SCAPER: variants seen among roughly 807,000 people sequenced by gnomAD.
The protein encoded by SCAPER is S-phase cyclin A associated protein in the ER, also known as S phase cyclin A-associated protein in the endoplasmic reticulum.
SCAPER carries 98 observed loss-of-function variants against 182.2 expected under a neutral mutation model. That is an observed-to-expected ratio of 0.54 (90% CI 0.46 to 0.64). SCAPER has a LOEUF of 0.64. Among genes scored for constraint, SCAPER ranks in the 30% least tolerant of loss-of-function variants. The pLI, the probability that SCAPER is intolerant of heterozygous loss-of-function variation, is 0.00. For missense variants in SCAPER, 1,432 were observed against 1,690.0 expected (o/e 0.85, Z 2.68); for synonymous variants, 605 against 564.6 (o/e 1.07, Z -1.01).
At chr15:76,472,082 C>G (rs768157908) in intron 24 of SCAPER, 171 of 339,674 alleles carry the variant, frequency 5.0e-4, no homozygotes, top group Non-Finnish European at 7.7e-4. Flanking sequence ...TAGCATATGT[C>G]CTGCCGCATC....
At chr15:76,441,472 C>A (rs963855467) in intron 25 of SCAPER, among the ~76,000 whole-genome samples, 11 of 152,152 alleles carry the variant, frequency 7.2e-5, no homozygotes, top group African/African-American at 2.7e-4. Flanking sequence ...TCCCTGGTAT[C>A]TCATTTCCTG....
intron 24 of SCAPER, 33 bp from the exon 25 acceptor site, chr15:76,471,368 C>T: frequency 6.3e-7 from 1 of 1,578,668 alleles, no homozygotes; most frequent in Non-Finnish European, 8.6e-7. Flanking sequence ...ATTTATAAAA[C>T]CCGAGCAGCT....
chr15:76,806,663 T>C (rs1229142562), intron 5 of SCAPER, among the ~76,000 whole-genome samples: 2 of 152,240 alleles, frequency 1.3e-5, no homozygotes, highest in African/African-American at 2.4e-5. Flanking sequence ...CACTATGAAG[T>C]CTTCTGTTCA....
At chr15:76,382,430 A>G (rs2043012774) in intron 27 of SCAPER, among the ~76,000 whole-genome samples, 1 of 151,180 alleles carries the variant, frequency 6.6e-6, no homozygotes, top group African/African-American at 2.4e-5. Flanking sequence ...GAACCACTCA[A>G]TGTGAGGCTT....
intron 24 of SCAPER, among the ~76,000 whole-genome samples, chr15:76,497,940 G>A (rs953081842): frequency 4.9e-5 from 6 of 123,516 alleles, no homozygotes; most frequent in Non-Finnish European, 8.0e-5. Context: ...GCAGTGAGCC[G>A]AGATTGTGCC....
intron 1 of SCAPER, among the ~76,000 whole-genome samples, chr15:76,904,012 TTTGA>T (rs755152522): frequency 3.9e-5 from 6 of 152,328 alleles, no homozygotes; most frequent in South Asian, 2.1e-4. Flanking sequence ...AACTTGACTC[TTTGA>T]TTGATTAAAA....
At chr15:76,568,142 CT>C (rs2047173932) in intron 23 of SCAPER, among the ~76,000 whole-genome samples, 1 of 149,210 alleles carries the variant, frequency 6.7e-6, no homozygotes, top group Non-Finnish European at 1.5e-5. Context: ...GTGGTGCTTC[CT>C]TTTTCCATAT....
intron 23 of SCAPER, among the ~76,000 whole-genome samples, chr15:76,559,351 C>T (rs2896954): frequency 2.6e-5 from 4 of 151,492 alleles, no homozygotes; most frequent in East Asian, 3.9e-4. Context: ...CCACTGCACC[C>T]GGCCGAGATC....
intron 5 of SCAPER, among the ~76,000 whole-genome samples, chr15:76,829,953 A>G (rs533601927): frequency 1.3e-5 from 2 of 152,340 alleles, no homozygotes; most frequent in South Asian, 2.1e-4. Context: ...ACCGTGATAT[A>G]TATTTCCAAA....
intron 10 of SCAPER, 40 bp from the exon 11 acceptor site, chr15:76,767,128 C>A: frequency 6.7e-7 from 1 of 1,484,126 alleles, no homozygotes; most frequent in South Asian, 1.3e-5. Flanking sequence ...GAAAAATGAT[C>A]ACTTGACTGG....
At chr15:76,479,890 T>C (rs1211089121) in intron 24 of SCAPER, among the ~76,000 whole-genome samples, 1 of 152,192 alleles carries the variant, frequency 6.6e-6, no homozygotes, top group Admixed American at 6.5e-5. Context: ...GGAGGGAGAA[T>C]GGCTTTAAGT....
At chr15:76,627,284 T>C (rs2052674353) in intron 21 of SCAPER, among the ~76,000 whole-genome samples, 1 of 152,206 alleles carries the variant, frequency 6.6e-6, no homozygotes, top group Non-Finnish European at 1.5e-5. Flanking sequence ...TTTTTTATCT[T>C]TATAAAAAAT....
At chr15:76,732,876 CCT>C (rs547559572) in intron 16 of SCAPER, among the ~76,000 whole-genome samples, 15 of 151,038 alleles carry the variant, frequency 9.9e-5, no homozygotes, top group African/African-American at 3.1e-4. Context: ...CTCTCTCTCT[CCT>C]CTCTCTCTCT....
rs188574923 is a variant in SCAPER, at chr15:76,419,960, A to T, written c.3311+14118T>A. 2.6e-5 allele frequency among the ~76,000 whole-genome samples: 4 copies of T among 152,340 alleles called. No homozygotes were observed. The East Asian group carries it at 7.7e-4, about 29-fold the overall frequency. On this transcript the variant is annotated intron_variant, in intron 26 of 31. Transcript: ENST00000563290. ...CACTGTAATTAGTGGGGCTCATCCC[A>T]GGGATGAAAGGATGGTTCAACATAT...
chr15:76,617,738 T>C (rs1477947056), intron 22 of SCAPER, among the ~76,000 whole-genome samples: 4 of 152,086 alleles, frequency 2.6e-5, no homozygotes, highest in African/African-American at 7.2e-5. Flanking sequence ...AAGTCACATA[T>C]CACTTCTACA....
intron 23 of SCAPER, among the ~76,000 whole-genome samples, chr15:76,561,239 C>A (rs1365540029): frequency 6.6e-6 from 1 of 152,162 alleles, no homozygotes; most frequent in East Asian, 1.9e-4. Flanking sequence ...CTCAATGTCA[C>A]ATGTTGGGCC....
rs555940387 is a variant in SCAPER at position 76,837,071 on chromosome 15, C to G, written c.393+4663G>C. ...ATAATTAAACTAAACATCTTCTGTA[C>G]AGCAAAAGAAACAATTAACAAAGTA... On this transcript the variant is annotated intron_variant, in intron 5 of 31. Transcript: ENST00000563290. 2.6e-5 allele frequency among the ~76,000 whole-genome samples: 4 copies of G among 152,226 alleles called. No homozygotes were observed. The South Asian group carries it at 8.3e-4, about 32-fold the overall frequency.
chr15:76,719,754 G>A (rs1483953898), intron 17 of SCAPER, among the ~76,000 whole-genome samples: 1 of 151,766 alleles, frequency 6.6e-6, no homozygotes, highest in Non-Finnish European at 1.5e-5. Context: ...TTATAAATAA[G>A]ATGCCCACTA....
At chr15:76,779,604 C>G (rs1338907094) in intron 8 of SCAPER, among the ~76,000 whole-genome samples, 2 of 151,870 alleles carry the variant, frequency 1.3e-5, no homozygotes, top group Non-Finnish European at 2.9e-5. Flanking sequence ...GCAAATTCAA[C>G]TAAAAACTTT....
Sources: gnomAD v4.1 joint callset for allele counts (sites outside exome capture counted in the v4.1 genomes callset) on GRCh38, gnomAD v4.1.1 for gene constraint, MANE v1.5 for transcripts, NCBI Gene and HGNC (gene_info 2026-07-23, HGNC 2026-07-21) for gene names.